Variants in CSMD1 observed in about 807,000 individuals in gnomAD.
The protein encoded by CSMD1 is CUB and Sushi multiple domains 1.
Under a neutral mutation model 417.5 loss-of-function variants are expected in CSMD1, and 213 were observed. The ratio of observed to expected loss-of-function variants is 0.51; its 90% CI spans 0.46 to 0.57. The LOEUF (loss-of-function observed/expected upper bound fraction) is 0.57, where lower values mean the gene tolerates loss of function less well. Among genes scored for constraint, CSMD1 ranks in the 20% least tolerant of loss-of-function variants. The pLI, the probability that CSMD1 is intolerant of heterozygous loss-of-function variation, is 0.00. For missense variants in CSMD1, 6,923 were observed against 4,529.7 expected (o/e 1.53, Z -15.17); for synonymous variants, 2,862 against 1,736.8 (o/e 1.65, Z -16.11).
Position 3,310,478 on chromosome 8 carries a change from G to A in CSMD1, c.3632-1975C>T, listed in dbSNP as rs183194041. Among the ~76,000 whole-genome samples, 12 of 152,240 alleles carry A rather than the reference G, an allele frequency of 7.9e-5. No individual in the cohort carries two copies. In the East Asian group the frequency reaches 2.1e-3, roughly 27 times the overall value. ...GTGATGATTCTCCCTGGCCACACTT[G>A]GAGTCCACCTCCCTATTAATAACAA... On this transcript the variant is annotated intron_variant, in intron 23 of 69. Transcript: ENST00000635120.
At chr8:4,473,036 T>C (rs1321069309) in intron 2 of CSMD1, among the ~76,000 whole-genome samples, 1 of 152,120 alleles carries the variant, frequency 6.6e-6, no homozygotes, top group East Asian at 1.9e-4. Flanking sequence ...CAAGTCAAAA[T>C]ATTCAAATTC....
intron 3 of CSMD1, among the ~76,000 whole-genome samples, chr8:4,233,974 G>T (rs919223202): frequency 6.6e-6 from 1 of 151,968 alleles, no homozygotes; most frequent in Non-Finnish European, 1.5e-5. Flanking sequence ...AAAACGGCGG[G>T]GGGTGGGGGA....
At chr8:4,733,880 C>T (rs925217278) in intron 1 of CSMD1, among the ~76,000 whole-genome samples, 1 of 151,984 alleles carries the variant, frequency 6.6e-6, no homozygotes, top group Non-Finnish European at 1.5e-5. Flanking sequence ...CTGAAATTGA[C>T]CTGGGTAGCT....
Position 4,379,763 on chromosome 8 carries a change from G to T in CSMD1, c.415+40190C>A, listed in dbSNP as rs192800832. 5.4e-3 allele frequency among the ~76,000 whole-genome samples: 821 copies of T among 152,158 alleles called. 11 individuals are homozygous for T. Among genetic ancestry groups the T allele is most frequent in the African/African-American group, 0.019 (776 of 41,518 alleles). On this transcript the variant is annotated intron_variant, in intron 3 of 69. Coordinates refer to ENST00000635120, the MANE Select transcript of CSMD1 (RefSeq NM_033225.6). ...GTATGATAAATGAGAAAAATCTATG[G>T]CCCACACTTTAGGTCCAAGTCCTCC...
Position 3,162,076 on chromosome 8 carries a change from A to G in CSMD1, c.5844+83T>C, listed in dbSNP as rs149747721. ...CAAACTGAGTGAGGAAAACATGGGT[A>G]CAAAGTGAGGGCTTTGGCTTTAAGA... On this transcript the variant is annotated intron_variant, in intron 38 of 69. Transcript: ENST00000635120. The G allele has an allele frequency of 7.2e-4, 613 of 856,946 alleles. 4 individuals carry two copies. The African/African-American group carries it at 9.0e-3, about 13-fold the overall frequency. 53.1% of individuals were successfully genotyped at this position (856,946 alleles called of 1,614,324 possible).
chr8:4,745,823 G>A (rs371511021), intron 1 of CSMD1, among the ~76,000 whole-genome samples: 3 of 152,094 alleles, frequency 2.0e-5, no homozygotes, highest in African/African-American at 2.4e-5. Flanking sequence ...CAAATGAGGG[G>A]TGAAGAAGAT....
intron 1 of CSMD1, among the ~76,000 whole-genome samples, chr8:4,810,139 C>T (rs138136075): frequency 6.6e-6 from 1 of 152,264 alleles, no homozygotes; most frequent in East Asian, 1.9e-4. Context: ...TTAAGCCTAC[C>T]ATTTTATATA....
intron 1 of CSMD1, among the ~76,000 whole-genome samples, chr8:4,679,736 C>T (rs1182876776): frequency 6.6e-6 from 1 of 152,218 alleles, no homozygotes; most frequent in East Asian, 1.9e-4. Flanking sequence ...TTATTAGTTT[C>T]TGTAACTACT....
chr8:4,513,806 T>G (rs1017836494), intron 2 of CSMD1, among the ~76,000 whole-genome samples: 6 of 152,230 alleles, frequency 3.9e-5, no homozygotes, highest in Non-Finnish European at 7.3e-5. Flanking sequence ...GAATATTACT[T>G]AAGCTACGCT....
intron 7 of CSMD1, among the ~76,000 whole-genome samples, chr8:3,629,420 C>T (rs1040491984): frequency 1.3e-4 from 20 of 152,238 alleles, no homozygotes; most frequent in African/African-American, 4.8e-4. Context: ...TATATAAGGG[C>T]TTTCTCCCTT....
intron 7 of CSMD1, among the ~76,000 whole-genome samples, chr8:3,678,734 GT>G (rs1290200316): frequency 6.6e-6 from 1 of 152,096 alleles, no homozygotes; most frequent in Non-Finnish European, 1.5e-5. Context: ...ACACATAATT[GT>G]CAGATTCACC....
intron 10 of CSMD1, among the ~76,000 whole-genome samples, chr8:3,557,134 T>C (rs532471001): frequency 1.2e-4 from 19 of 152,330 alleles, no homozygotes; most frequent in Non-Finnish European, 2.8e-4. Flanking sequence ...TGAGCTTCAC[T>C]GCCACAAATA....
At chr8:3,907,344 A>T (rs1808180516) in intron 5 of CSMD1, among the ~76,000 whole-genome samples, 1 of 152,226 alleles carries the variant, frequency 6.6e-6, no homozygotes, top group Non-Finnish European at 1.5e-5. Context: ...AGTTATAATT[A>T]GAAAAAACAA....
intron 3 of CSMD1, among the ~76,000 whole-genome samples, chr8:4,304,363 A>T (rs1336600710): frequency 6.6e-6 from 1 of 152,154 alleles, no homozygotes; most frequent in African/African-American, 2.4e-5. Context: ...CCATTTGATT[A>T]TCAAAGTGAG....
intron 5 of CSMD1, among the ~76,000 whole-genome samples, chr8:3,862,807 T>C (rs1284833595): frequency 1.3e-5 from 2 of 152,162 alleles, no homozygotes; most frequent in African/African-American, 4.8e-5. Flanking sequence ...CACAACAGCA[T>C]TGCCTGCCCT....
At chr8:3,901,282 T>A (rs1807734189) in intron 5 of CSMD1, among the ~76,000 whole-genome samples, 1 of 152,194 alleles carries the variant, frequency 6.6e-6, no homozygotes, top group African/African-American at 2.4e-5. Context: ...TTTTTCCACT[T>A]TTTCCCTTTT....
At chr8:4,033,648 G>C (rs886933440) in intron 3 of CSMD1, among the ~76,000 whole-genome samples, 12 of 152,152 alleles carry the variant, frequency 7.9e-5, no homozygotes, top group Non-Finnish European at 2.9e-5. Flanking sequence ...TGAGGGCTGC[G>C]TCATGGGCCA....
At chr8:4,458,450 G>T (rs1799618197) in intron 2 of CSMD1, among the ~76,000 whole-genome samples, 1 of 152,126 alleles carries the variant, frequency 6.6e-6, no homozygotes, top group Non-Finnish European at 1.5e-5. Flanking sequence ...ACAGTCTGAA[G>T]TTAAAGTTAT....
chr8:4,668,606 C>G (rs748891496), intron 1 of CSMD1, among the ~76,000 whole-genome samples: 1 of 151,798 alleles, frequency 6.6e-6, no homozygotes, highest in Admixed American at 6.6e-5. Context: ...TCCGCCACCA[C>G]GCCTGGCTAA....
Sources: gnomAD v4.1 joint callset for allele counts (sites outside exome capture counted in the v4.1 genomes callset) on GRCh38, gnomAD v4.1.1 for gene constraint, MANE v1.5 for transcripts, NCBI Gene and HGNC (gene_info 2026-07-23, HGNC 2026-07-21) for gene names.